The following TRAPPC9 variants were observed in gnomAD, a reference collection of about 807,000 sequenced individuals.
TRAPPC9 encodes the protein trafficking protein particle complex subunit 9.
In TRAPPC9, 83 loss-of-function variants were observed where a neutral mutation model predicts 124.0. The observed-to-expected ratio is 0.67, with a 90% CI of 0.56 to 0.80. The LOEUF is 0.80. Ranked by LOEUF, TRAPPC9 falls within the 30% of genes least tolerant of loss-of-function variation. The probability of loss-of-function intolerance (pLI) is 0.00; values close to 1 mark genes in which losing one functional copy is unlikely to be tolerated. For synonymous variants in TRAPPC9, 638 were observed against 617.5 expected (o/e 1.03, Z -0.49); for missense variants, 1,302 against 1,508.3 (o/e 0.86, Z 2.27).
intron 17 of TRAPPC9, among the ~76,000 whole-genome samples, chr8:140,153,672 T>C (rs1012214342): frequency 3.9e-5 from 6 of 152,238 alleles, no homozygotes; most frequent in Non-Finnish European, 7.3e-5. Context: ...AATAAATGAA[T>C]GACTCATCAA....
At chr8:139,935,216 G>A (rs547371837) in intron 19 of TRAPPC9, among the ~76,000 whole-genome samples, 79 of 152,212 alleles carry the variant, frequency 5.2e-4, no homozygotes, top group Non-Finnish European at 8.4e-4. Context: ...TGGTAGACTC[G>A]GGGGTTCTTC....
chr8:139,783,086 GA>G (rs151094197), intron 21 of TRAPPC9, among the ~76,000 whole-genome samples: 9,541 of 151,938 alleles, frequency 0.063, 428 homozygotes, highest in East Asian at 0.15. Flanking sequence ...TCACCTATTA[GA>G]AAAAAACTCA....
At chr8:140,272,364 TAG>T (rs879648758) in intron 15 of TRAPPC9, among the ~76,000 whole-genome samples, 12,567 of 148,514 alleles carry the variant, frequency 0.085, 1,466 homozygotes, top group African/African-American at 0.26. Context: ...AGAGTGGTGG[TAG>T]TGAGGGTGGT....
At chr8:139,777,650 G>A (rs2130499360) in intron 21 of TRAPPC9, among the ~76,000 whole-genome samples, 2 of 152,378 alleles carry the variant, frequency 1.3e-5, no homozygotes, top group East Asian at 3.9e-4. Context: ...CAGAATGAAT[G>A]AGGCTTCTGC....
At chr8:139,770,173 C>T (rs912639883) in intron 21 of TRAPPC9, among the ~76,000 whole-genome samples, 5 of 152,220 alleles carry the variant, frequency 3.3e-5, no homozygotes, top group East Asian at 1.9e-4. Flanking sequence ...GCACCCACAG[C>T]GCTGCCAGCC....
At chr8:139,806,561 T>C (rs1041299054) in intron 21 of TRAPPC9, among the ~76,000 whole-genome samples, 4 of 152,186 alleles carry the variant, frequency 2.6e-5, no homozygotes, top group Non-Finnish European at 5.9e-5. Context: ...CCCAAGGGTG[T>C]ACCTGAACCG....
At chr8:139,741,143 G>A (rs1023209306) in intron 21 of TRAPPC9, among the ~76,000 whole-genome samples, 1 of 152,136 alleles carries the variant, frequency 6.6e-6, no homozygotes, top group African/African-American at 2.4e-5. Context: ...CCTTGGGCGT[G>A]ACACTCCCCA....
At chr8:139,757,326 GA>G (rs769792895) in intron 21 of TRAPPC9, among the ~76,000 whole-genome samples, 224 of 146,218 alleles carry the variant, frequency 1.5e-3, no homozygotes, top group Non-Finnish European at 2.7e-3. Flanking sequence ...AGGAGCCAGG[GA>G]TTGGGGATGA....
At chr8:140,125,727 T>A (rs1456357696) in intron 17 of TRAPPC9, among the ~76,000 whole-genome samples, 1 of 151,384 alleles carries the variant, frequency 6.6e-6, no homozygotes, top group African/African-American at 2.4e-5. Context: ...CCTGAGTAGC[T>A]GGGATTACAG....
intron 12 of TRAPPC9, among the ~76,000 whole-genome samples, chr8:140,288,893 C>T (rs7817182): frequency 0.29 from 43,490 of 151,934 alleles, 6,607 homozygotes; most frequent in Middle Eastern, 0.4. Context: ...TTCTTTTTAG[C>T]GGGTTGGTTT....
At chr8:140,233,062 C>T (rs972609111) in intron 16 of TRAPPC9, among the ~76,000 whole-genome samples, 1 of 152,138 alleles carries the variant, frequency 6.6e-6, no homozygotes, top group Non-Finnish European at 1.5e-5. Context: ...AACAGTCAGC[C>T]GAATCAAAGA....
intron 19 of TRAPPC9, among the ~76,000 whole-genome samples, chr8:139,928,320 C>T (rs1218503037): frequency 6.6e-6 from 1 of 152,082 alleles, no homozygotes; most frequent in African/African-American, 2.4e-5. Context: ...GGCAAAATGC[C>T]GTCTCTACTA....
intron 21 of TRAPPC9, among the ~76,000 whole-genome samples, chr8:139,880,076 T>C (rs1829583205): frequency 6.6e-6 from 1 of 152,096 alleles, no homozygotes; most frequent in South Asian, 2.1e-4. Context: ...TATACACAGA[T>C]ATATAAATGT....
intron 19 of TRAPPC9, among the ~76,000 whole-genome samples, chr8:139,953,934 C>T (rs1834819476): frequency 6.6e-6 from 1 of 152,140 alleles, no homozygotes. Flanking sequence ...TGACCACATC[C>T]AATGCTGCAG....
chr8:140,333,245 T>C (rs946733046), intron 9 of TRAPPC9, among the ~76,000 whole-genome samples: 5 of 152,190 alleles, frequency 3.3e-5, no homozygotes, highest in Non-Finnish European at 7.3e-5. Flanking sequence ...CTTGCCTATA[T>C]AGGATTATGC....
chr8:140,259,828 C>T (rs79639431), intron 15 of TRAPPC9, among the ~76,000 whole-genome samples: 1,885 of 152,320 alleles, frequency 0.012, 26 homozygotes, highest in African/African-American at 0.042. Context: ...CTCACAGGGC[C>T]TGGCCACCAG....
chr8:140,043,179 T>A (rs367590294), intron 17 of TRAPPC9, among the ~76,000 whole-genome samples: 11 of 152,208 alleles, frequency 7.2e-5, no homozygotes, highest in African/African-American at 2.4e-4. Context: ...GAATCCAGCA[T>A]CTAGAATTTC....
At chr8:139,739,738 C>A (rs946325622) in intron 21 of TRAPPC9, among the ~76,000 whole-genome samples, 1 of 152,250 alleles carries the variant, frequency 6.6e-6, no homozygotes, top group Non-Finnish European at 1.5e-5. Flanking sequence ...TGATCTGAAG[C>A]GACCTTGTTT....
intron 17 of TRAPPC9, among the ~76,000 whole-genome samples, chr8:140,044,267 A>G (rs1315912920): frequency 6.8e-6 from 1 of 147,486 alleles, no homozygotes; most frequent in African/African-American, 2.6e-5. Flanking sequence ...ACAGAACAAC[A>G]ACGACCAAAA....
Sources: gnomAD v4.1 joint callset for allele counts (sites outside exome capture counted in the v4.1 genomes callset) on GRCh38, gnomAD v4.1.1 for gene constraint, MANE v1.5 for transcripts, NCBI Gene and HGNC (gene_info 2026-07-23, HGNC 2026-07-21) for gene names.